The following ABHD4 variants were observed in gnomAD, a reference collection of about 807,000 sequenced individuals.
The protein encoded by ABHD4 is (Lyso)-N-acylphosphatidylethanolamine lipase.
In ABHD4, 35 loss-of-function variants were observed where a neutral mutation model predicts 42.3. The ratio of observed to expected loss-of-function variants is 0.83; its 90% CI spans 0.63 to 1.10. ABHD4 has a LOEUF of 1.10. Among genes scored for constraint, ABHD4 ranks in the 50% least tolerant of loss-of-function variants. ABHD4 has a pLI of 0.00. For missense variants in ABHD4, 389 were observed against 454.8 expected, an observed-to-expected ratio of 0.86 and a Z score of 1.32; for synonymous variants, 169 against 170.6, an observed-to-expected ratio of 0.99 and a Z score of 0.07.
At chr14:22,604,253 T>C in intron 4 of ABHD4, 174 bp downstream of exon 4, 1 of 797,114 alleles carries the variant, frequency 1.3e-6, no homozygotes, top group African/African-American at 1.7e-5. Flanking sequence ...GTTTTTTTGT[T>C]TTGTTTTGTT....
intron 2 of ABHD4, 71 bp from the exon 3 acceptor site, chr14:22,603,319 G>A: frequency 6.3e-7 from 1 of 1,581,840 alleles, no homozygotes; most frequent in Middle Eastern, 1.7e-4. Context: ...GTGAAGAGTG[G>A]TAGTCCAGGC....
In ABHD4 at chr14:22,611,154, G is replaced by A; in HGVS notation, c.*206G>A. ...AGGCAGAAGCCACAAGAGGCCTTGA[G>A]TGCCACCCCCAGGGAAGAACATAAA... On this transcript the variant is annotated 3_prime_UTR_variant, in exon 7 of 7. Coordinates refer to ENST00000428304, the MANE Select transcript of ABHD4 (RefSeq NM_022060.3). The A allele has an allele frequency of 1.7e-6, 1 of 572,414 alleles. No homozygotes were observed. The highest frequency in any genetic ancestry group is 3.2e-6 in the Non-Finnish European group (1 of 317,034). 35.5% of individuals were successfully genotyped at this position (572,414 alleles called of 1,614,324 possible). A position where few individuals can be genotyped will look rare whatever the true frequency, so the allele number is the denominator to read the frequency against.
chr14:22,610,058 A>G, intron 6 of ABHD4, 148 bp downstream of exon 6: 1 of 737,950 alleles, frequency 1.4e-6, no homozygotes, highest in Non-Finnish European at 2.0e-6. Flanking sequence ...CTCTCTTTGG[A>G]ATATCTTTTT....
In ABHD4 at chr14:22,611,187, A is replaced by G; in HGVS notation, c.*239A>G. The G allele has an allele frequency of 2.0e-6, 1 of 512,340 alleles. No individual in the cohort carries two copies. Among genetic ancestry groups the G allele is most frequent in the Non-Finnish European group, 3.6e-6 (1 of 280,900 alleles). The allele number at this position is 512,340 out of a possible 1,614,324, so 31.7% of individuals were successfully genotyped here. A position where few individuals can be genotyped will look rare whatever the true frequency, so the allele number is the denominator to read the frequency against. On this transcript the variant is annotated 3_prime_UTR_variant, in exon 7 of 7. Coordinates refer to ENST00000428304, the MANE Select transcript of ABHD4 (RefSeq NM_022060.3). Reference sequence around the variant, plus strand: ...CCCAGGGAAGAACATAAAGGGTTGCACAATGCCACCCATCCACTCCTTGCC... The same window carrying G: ...CCCAGGGAAGAACATAAAGGGTTGCGCAATGCCACCCATCCACTCCTTGCC...
chr14:22,610,261 T>C (rs1235246079), intron 6 of ABHD4, among the ~76,000 whole-genome samples: 2 of 152,212 alleles, frequency 1.3e-5, no homozygotes, highest in Non-Finnish European at 2.9e-5. Flanking sequence ...TTCTCCATGT[T>C]GGTCAGGCTG....
Position 22,609,791 on chromosome 14 carries a change from A to G in ABHD4, c.820A>G (p.Ile274Val). 6.2e-7 allele frequency: 1 copy of G among 1,614,154 alleles called. No homozygotes were observed. The highest frequency in any genetic ancestry group is 1.7e-5 in the Admixed American group (1 of 60,020). ...GWARRPMLER[I>V]HLIRKDVPIT... ...GGCCCGGCGCCCTATGCTGGAGCGA[A>G]TTCACTTGATTCGAAAAGATGTGCC... The change falls in exon 6 of 7, where the codon ATT (isoleucine) becomes GTT (valine). Residue 274 changes from isoleucine (I) to valine (V), a missense_variant. Ile to Val is a conservative substitution (Grantham distance 29). Around this residue, in one of 3 missense-constraint regions of ABHD4, gnomAD observed 249 missense variants for 254.4 expected, o/e 0.98. Coordinates refer to ENST00000428304, the MANE Select transcript of ABHD4 (RefSeq NM_022060.3).
chr14:22,604,114 T>C (rs1309281776), intron 4 of ABHD4, 35 bp downstream of exon 4: 1 of 1,607,206 alleles, frequency 6.2e-7, no homozygotes, highest in Admixed American at 1.7e-5. Context: ...AAAGGAAGGC[T>C]ATAACGTTCT....
Position 22,601,688 on chromosome 14 carries a change from C to G in ABHD4, c.45C>G (p.Ser15Arg). Residue 15 changes from serine to arginine, a missense_variant, in exon 2 of 7, where the codon AGC (serine) becomes AGG (arginine). This residue lies in a region of ABHD4 where 102 missense variants were observed against 128.3 expected (regional missense o/e 0.80). Coordinates refer to ENST00000428304, the MANE Select transcript of ABHD4 (RefSeq NM_022060.3). ...LEQQSQGWLS[S>R]WLPTWRPTSM... ...CCAGGTCTCAAGGCTGGCTGAGTAG[C>G]TGGCTGCCCACGTGGCGCCCCACTT... 1 of 1,614,156 alleles carries G rather than the reference C, an allele frequency of 6.2e-7. No individual in the cohort carries two copies. The highest frequency in any genetic ancestry group is 8.5e-7 in the Non-Finnish European group (1 of 1,180,010).
rs1242099729 is a variant in ABHD4 at position 22,612,905 on chromosome 14, A to G, written c.*1957A>G. On this transcript the variant is annotated 3_prime_UTR_variant, in exon 7 of 7. Transcript: ENST00000428304. ...TCCCCAGACCATAAGCAACATAAAG[A>G]CAAAGGGTACATCTAGCACATAGTT... The G allele has an allele frequency of 2.6e-5, 4 of 152,230 alleles. No individual in the cohort carries two copies. The highest frequency in any genetic ancestry group is 4.4e-5 in the Non-Finnish European group (3 of 68,032). 9.4% of individuals were successfully genotyped at this position (152,230 alleles called of 1,614,324 possible). A position where few individuals can be genotyped will look rare whatever the true frequency, so the allele number is the denominator to read the frequency against.
At chr14:22,606,582 T>C (rs746828435) in intron 5 of ABHD4, 49 bp downstream of exon 5, 9 of 1,311,224 alleles carry the variant, frequency 6.9e-6, no homozygotes, top group Middle Eastern at 1.9e-4. Context: ...TGTTAGGAGA[T>C]AAAACTCTTA....
intron 1 of ABHD4, chr14:22,598,737 A>T (rs906533716): frequency 1.4e-5 from 5 of 368,494 alleles, no homozygotes; most frequent in Non-Finnish European, 2.6e-5. Flanking sequence ...GGATGGAGAG[A>T]GCCTCCTCCC....
intron 1 of ABHD4, 83 bp from the exon 2 acceptor site, chr14:22,601,584 T>G: frequency 7.4e-7 from 1 of 1,349,926 alleles, no homozygotes; most frequent in Non-Finnish European, 1.1e-6. Context: ...TCCTGAGAAC[T>G]CTTTTGTAAC....
At chr14:22,610,162 A>T (rs967614094) in intron 6 of ABHD4, among the ~76,000 whole-genome samples, 2 of 151,978 alleles carry the variant, frequency 1.3e-5, no homozygotes, top group African/African-American at 4.8e-5. Flanking sequence ...GGTTCAAGCG[A>T]TTCTTCTGCC....
rs756880736 is a variant in ABHD4 at position 22,606,473 on chromosome 14, ACTT to A, written c.696_698del (p.Phe233del). 3 of 1,613,730 alleles carry A rather than the reference ACTT, an allele frequency of 1.9e-6. No homozygotes were observed. The South Asian group carries it at 3.3e-5, about 18-fold the overall frequency. On this transcript the variant is annotated inframe_deletion, in exon 5 of 7. Transcript: ENST00000428304. ...CCGGACTTCAAACGCAAGTTTGCAG[ACTT>A]CTTTGAAGATGATACCATATCAGAG...
rs1364321307 is a variant in ABHD4, at chr14:22,612,961, C to T, written c.*2013C>T. ...TCAATAAATGTTTGTTTTCATCATG[C>T]CACGGGAAGTGAGATATACCAAGTA... On this transcript the variant is annotated 3_prime_UTR_variant, in exon 7 of 7. Coordinates refer to ENST00000428304, the MANE Select transcript of ABHD4 (RefSeq NM_022060.3). 1 of 152,172 alleles carries T rather than the reference C, an allele frequency of 6.6e-6. No individual in the cohort carries two copies. The highest frequency in any genetic ancestry group is 1.5e-5 in the Non-Finnish European group (1 of 68,042). 9.4% of individuals were successfully genotyped at this position (152,172 alleles called of 1,614,324 possible). A position where few individuals can be genotyped will look rare whatever the true frequency, so the allele number is the denominator to read the frequency against.
At chr14:22,600,831 GGTGTGTGTGTGTGT>G (rs35284182) in intron 1 of ABHD4, among the ~76,000 whole-genome samples, 19 of 65,224 alleles carry the variant, frequency 2.9e-4, no homozygotes, top group South Asian at 2.6e-3. Flanking sequence ...CCAGCAGGGG[GGTGTGTGTGTGTGT>G]GTGTGTGTGT....
chr14:22,598,716 G>C (rs1023779735), intron 1 of ABHD4: 2 of 381,804 alleles, frequency 5.2e-6, no homozygotes, highest in Non-Finnish European at 1.0e-5. Flanking sequence ...CCCCCAGAAC[G>C]GCAGTCGTGG....
intron 5 of ABHD4, among the ~76,000 whole-genome samples, chr14:22,607,448 C>A (rs1269102700): frequency 6.6e-6 from 1 of 152,160 alleles, no homozygotes; most frequent in Non-Finnish European, 1.5e-5. Context: ...TGTTGGGAGC[C>A]CAAAGCCATG....
Position 22,603,585 on chromosome 14 carries a change from T to G in ABHD4, c.308T>G (p.Leu103Arg). 2 of 1,614,140 alleles carry G rather than the reference T, an allele frequency of 1.2e-6. No homozygotes were observed. The highest frequency in any genetic ancestry group is 1.6e-4 in the Middle Eastern group (1 of 6,062). ...CGCACACTGCACACCTTCGATCTGC[T>G]TGGCTTCGGGCGAAGCTCAAGGCCA... ...ARRTLHTFDL[L>R]GFGRSSRPAF... The change falls in exon 3 of 7, where the codon CTT becomes CGT. Residue 103 changes from leucine to arginine, a missense_variant. This residue lies in a region of ABHD4 where 38 missense variants were observed against 72.1 expected (regional missense o/e 0.53). Coordinates refer to ENST00000428304, the MANE Select transcript of ABHD4 (RefSeq NM_022060.3).
Sources: gnomAD v4.1 joint callset for allele counts (sites outside exome capture counted in the v4.1 genomes callset) on GRCh38, gnomAD v4.1.1 for gene constraint, gnomAD v4.1.1 regional missense constraint, MANE v1.5 for transcripts, NCBI Gene and HGNC (gene_info 2026-07-23, HGNC 2026-07-21) for gene names.